The following GJA1 variants were observed in gnomAD, a reference collection of about 807,000 sequenced individuals.
The protein encoded by GJA1 is gap junction alpha-1 protein.
GJA1 carries 9 observed loss-of-function variants against 31.0 expected under a neutral mutation model. The ratio of observed to expected loss-of-function variants is 0.29; its 90% confidence interval spans 0.17 to 0.51. The LOEUF is 0.51. Among genes scored for constraint, GJA1 ranks in the 20% least tolerant of loss-of-function variants. The probability of loss-of-function intolerance (pLI) is 0.98; values close to 1 mark genes in which losing one functional copy is unlikely to be tolerated. For synonymous variants in GJA1, 186 were observed against 180.1 expected (o/e 1.03, Z -0.26); for missense variants, 278 against 468.8 (o/e 0.59, Z 3.76).
intron 1 of GJA1, among the ~76,000 whole-genome samples, chr6:121,439,171 A>G (rs939354071): frequency 2.0e-5 from 3 of 152,186 alleles, no homozygotes; most frequent in African/African-American, 7.2e-5. Context: ...ATGTTTGTCA[A>G]TCATTTCTTA....
At chr6:121,446,728 C>T (rs1024094120) in intron 1 of GJA1, 104 bp from the exon 2 acceptor site, 12 of 827,850 alleles carry the variant, frequency 1.4e-5, no homozygotes, top group Middle Eastern at 2.6e-4. Flanking sequence ...GTTAGAAATA[C>T]GTGAAACCGT....
chr6:121,449,241 A>G lies in GJA1; in HGVS notation c.*1245A>G, dbSNP rs1183782603. 1 of 167,092 alleles carries G rather than the reference A, an allele frequency of 6.0e-6. No homozygotes were observed. The highest frequency in any genetic ancestry group is 1.9e-4 in the East Asian group (1 of 5,194). 10.4% of individuals were successfully genotyped at this position (167,092 alleles called of 1,614,324 possible). A position where few individuals can be genotyped will look rare whatever the true frequency, so the allele number is the denominator to read the frequency against. On this transcript the variant is annotated 3_prime_UTR_variant, in exon 2 of 2. Transcript: ENST00000282561. ...GACTTAGAAAAAATGCTTAGAGTGG[A>G]CTATTAAATGTGCCTAAATGAATTT...
chr6:121,448,187 G>A lies in GJA1; in HGVS notation c.*191G>A, dbSNP rs886061012. 9.2e-5 allele frequency: 60 copies of A among 653,636 alleles called. No individual in the cohort carries two copies. The highest frequency in any genetic ancestry group is 1.5e-4 in the Non-Finnish European group (55 of 355,176). 40.5% of individuals were successfully genotyped at this position (653,636 alleles called of 1,614,324 possible). On this transcript the variant is annotated 3_prime_UTR_variant, in exon 2 of 2. Transcript: ENST00000282561. ...GGTGTATGGGGTAGATGGGTGGAGAGGGAGGGGATAAGAGAGGTGCATGTT... is the reference window on the plus strand; with the variant it reads ...GGTGTATGGGGTAGATGGGTGGAGAAGGAGGGGATAAGAGAGGTGCATGTT...
chr6:121,440,826 C>T (rs1052541005), intron 1 of GJA1, among the ~76,000 whole-genome samples: 1 of 152,156 alleles, frequency 6.6e-6, no homozygotes, highest in African/African-American at 2.4e-5. Flanking sequence ...ACTGCAGCCT[C>T]CGCCTCCCGG....
At chr6:121,446,720 T>TAGAA (rs1317170791) in intron 1 of GJA1, 112 bp from the exon 2 acceptor site, 2 of 809,906 alleles carry the variant, frequency 2.5e-6, no homozygotes, top group East Asian at 4.9e-5. Context: ...GAAAGAATGT[T>TAGAA]AGAAATACGT....
Position 121,448,184 on chromosome 6 carries a change from A to T in GJA1, c.*188A>T. ...GGGGGTGTATGGGGTAGATGGGTGGAGAGGGAGGGGATAAGAGAGGTGCAT... is the reference window on the plus strand; with the variant it reads ...GGGGGTGTATGGGGTAGATGGGTGGTGAGGGAGGGGATAAGAGAGGTGCAT... On this transcript the variant is annotated 3_prime_UTR_variant, in exon 2 of 2. Coordinates refer to ENST00000282561, the MANE Select transcript of GJA1 (RefSeq NM_000165.5). The T allele has an allele frequency of 1.5e-6, 1 of 657,154 alleles. No homozygotes were observed. Among genetic ancestry groups the T allele is most frequent in the South Asian group, 1.7e-5 (1 of 57,652 alleles). The allele number at this position is 657,154 out of a possible 1,614,324, so 40.7% of individuals were successfully genotyped here.
chr6:121,449,134 TTCC>T lies in GJA1; in HGVS notation c.*1140_*1142del, dbSNP rs1192684363. 1 of 166,982 alleles carries T rather than the reference TTCC, an allele frequency of 6.0e-6. No homozygotes were observed. Among genetic ancestry groups the T allele is most frequent in the East Asian group, 1.9e-4 (1 of 5,206 alleles). 10.3% of individuals were successfully genotyped at this position (166,982 alleles called of 1,614,324 possible). On this transcript the variant is annotated 3_prime_UTR_variant, in exon 2 of 2. Coordinates refer to ENST00000282561, the MANE Select transcript of GJA1 (RefSeq NM_000165.5). ...CAGTAATGCTATTACTGAAATGAATTTCCTTTTTCTGAAATGTAATCATTGATG... is the reference window on the plus strand; with the variant it reads ...CAGTAATGCTATTACTGAAATGAATTTTTTTCTGAAATGTAATCATTGATG...
intron 1 of GJA1, among the ~76,000 whole-genome samples, chr6:121,439,763 T>A (rs934829025): frequency 1.3e-5 from 2 of 152,218 alleles, no homozygotes; most frequent in African/African-American, 4.8e-5. Flanking sequence ...TTGGTGTTTT[T>A]ATGTTGTCCT....
intron 1 of GJA1, among the ~76,000 whole-genome samples, chr6:121,444,677 T>G (rs1186802413): frequency 6.6e-6 from 1 of 152,228 alleles, no homozygotes; most frequent in African/African-American, 2.4e-5. Context: ...GTGAACATAT[T>G]TCTAAGAAGC....
intron 1 of GJA1, among the ~76,000 whole-genome samples, chr6:121,441,945 A>G (rs182992865): frequency 6.6e-6 from 1 of 152,318 alleles, no homozygotes; most frequent in Non-Finnish European, 1.5e-5. Context: ...TTTGCATTTG[A>G]GTTTTTGGGC....
intron 1 of GJA1, among the ~76,000 whole-genome samples, chr6:121,441,932 G>A (rs1288575847): frequency 6.6e-6 from 1 of 152,132 alleles, no homozygotes; most frequent in African/African-American, 2.4e-5. Flanking sequence ...AACATTACAA[G>A]GGTTTGCATT....
chr6:121,440,801 G>A (rs775953360), intron 1 of GJA1, among the ~76,000 whole-genome samples: 53 of 152,146 alleles, frequency 3.5e-4, no homozygotes, highest in Non-Finnish European at 6.0e-4. Flanking sequence ...GAGTGCAGTG[G>A]TGTGATCTCT....
chr6:121,439,108 A>C (rs950408594), intron 1 of GJA1, among the ~76,000 whole-genome samples: 2 of 152,136 alleles, frequency 1.3e-5, no homozygotes, highest in Non-Finnish European at 2.9e-5. Context: ...AACCAGCCTG[A>C]GCAACATAGC....
chr6:121,439,626 T>G (rs1773730469), intron 1 of GJA1, among the ~76,000 whole-genome samples: 1 of 152,132 alleles, frequency 6.6e-6, no homozygotes, highest in Admixed American at 6.6e-5. Context: ...GGATTGTCTT[T>G]TATGGGATGC....
intron 1 of GJA1, among the ~76,000 whole-genome samples, chr6:121,444,182 C>T (rs1363224742): frequency 6.6e-6 from 1 of 152,178 alleles, no homozygotes; most frequent in African/African-American, 2.4e-5. Context: ...CCTTTCAAGC[C>T]TTTGTTCTTA....
intron 1 of GJA1, among the ~76,000 whole-genome samples, chr6:121,438,675 C>T (rs760422567): frequency 6.6e-6 from 1 of 152,028 alleles, no homozygotes; most frequent in Non-Finnish European, 1.5e-5. Context: ...GGAGCTTATC[C>T]GCACACACCA....
Position 121,446,820 on chromosome 6 carries a change from T to C in GJA1, c.-16-12T>C, listed in dbSNP as rs56199702. Reference sequence around the variant, plus strand: ...ATCTGTGATCCTTGAATTGTCTCTTTGTTTCTTTCAGGTGGTGCCCAGGCA... The same window carrying C: ...ATCTGTGATCCTTGAATTGTCTCTTCGTTTCTTTCAGGTGGTGCCCAGGCA... On this transcript the variant is annotated splice_polypyrimidine_tract_variant and intron_variant, in intron 1 of 1. Coordinates refer to ENST00000282561, the MANE Select transcript of GJA1 (RefSeq NM_000165.5). 112 of 1,546,234 alleles carry C rather than the reference T, an allele frequency of 7.2e-5. 1 individual carries two copies. The African/African-American group carries it at 1.5e-3, about 20-fold the overall frequency.
At position 121,446,817 on chromosome 6, in the gene GJA1, C is replaced by G. The variant is rs975820399; in HGVS notation, c.-16-15C>G. ...GCAATCTGTGATCCTTGAATTGTCT[C>G]TTTGTTTCTTTCAGGTGGTGCCCAG... On this transcript the variant is annotated splice_polypyrimidine_tract_variant and intron_variant, in intron 1 of 1. Transcript: ENST00000282561. 6.6e-7 allele frequency: 1 copy of G among 1,524,764 alleles called. No individual in the cohort carries two copies. The highest frequency in any genetic ancestry group is 9.1e-7 in the Non-Finnish European group (1 of 1,098,302). 94.5% of individuals were successfully genotyped at this position (1,524,764 alleles called of 1,614,324 possible).
intron 1 of GJA1, among the ~76,000 whole-genome samples, chr6:121,441,159 A>C (rs986127173): frequency 6.6e-6 from 1 of 151,980 alleles, no homozygotes; most frequent in African/African-American, 2.4e-5. Context: ...TCACTGTGTT[A>C]GCCAGGATGG....
Sources: allele counts gnomAD v4.1 joint callset (sites outside exome capture counted in the v4.1 genomes callset), GRCh38; gene constraint gnomAD v4.1.1; transcripts MANE v1.5; gene names NCBI Gene and HGNC (gene_info 2026-07-23, HGNC 2026-07-21).